Variants in MAP3K13 observed in about 807,000 individuals in gnomAD.
The protein encoded by MAP3K13 is mitogen-activated protein kinase kinase kinase 13, also known as leucine zipper-bearing kinase.
In MAP3K13, 52 loss-of-function variants were observed where a neutral mutation model predicts 104.0. The observed-to-expected ratio is 0.50, with a 90% CI of 0.40 to 0.63. MAP3K13 has a LOEUF of 0.63. Among genes scored for constraint, MAP3K13 ranks in the 20% least tolerant of loss-of-function variants. MAP3K13 has a pLI of 0.00. For missense variants in MAP3K13, 914 were observed against 1,218.5 expected (o/e 0.75, Z 3.72); for synonymous variants, 394 against 442.2 (o/e 0.89, Z 1.37).
At chr3:185,319,030 A>G (rs561634152) in intron 2 of MAP3K13, among the ~76,000 whole-genome samples, 44 of 152,304 alleles carry the variant, frequency 2.9e-4, no homozygotes, top group African/African-American at 1.0e-3. Flanking sequence ...ACATTTCTAT[A>G]TATCCCTAAA....
At chr3:185,356,347 A>G (rs1216581521) in intron 2 of MAP3K13, among the ~76,000 whole-genome samples, 1 of 152,240 alleles carries the variant, frequency 6.6e-6, no homozygotes, top group Non-Finnish European at 1.5e-5. Flanking sequence ...TTTGGCTGCA[A>G]GTGACAGAAA....
At chr3:185,310,511 G>A (rs1397939029) in intron 2 of MAP3K13, among the ~76,000 whole-genome samples, 1 of 152,198 alleles carries the variant, frequency 6.6e-6, no homozygotes, top group Non-Finnish European at 1.5e-5. Flanking sequence ...TAGGCCTCAT[G>A]CATGAACAGT....
chr3:185,369,008 T>C (rs1264785926), intron 1 of MAP3K13, among the ~76,000 whole-genome samples: 1 of 151,492 alleles, frequency 6.6e-6, no homozygotes, highest in Non-Finnish European at 1.5e-5. Context: ...GGTGTTGTCA[T>C]CATTTTTCTA....
intron 7 of MAP3K13, among the ~76,000 whole-genome samples, chr3:185,457,938 C>T (rs1473888133): frequency 2.0e-5 from 3 of 152,182 alleles, no homozygotes; most frequent in African/African-American, 7.2e-5. Context: ...CACTCAGTTA[C>T]ACTAAACCTC....
intron 1 of MAP3K13, among the ~76,000 whole-genome samples, chr3:185,378,663 C>G (rs929789737): frequency 3.3e-5 from 5 of 152,042 alleles, no homozygotes; most frequent in African/African-American, 1.2e-4. Context: ...ATTCAAAGGA[C>G]TCAGAGCTTG....
intron 7 of MAP3K13, among the ~76,000 whole-genome samples, chr3:185,453,719 A>C (rs1716022891): frequency 6.7e-6 from 1 of 150,158 alleles, no homozygotes; most frequent in African/African-American, 2.5e-5. Context: ...CAGTGAGCTG[A>C]GATCACGCCA....
In MAP3K13 at chr3:185,437,468, A is replaced by C. The variant is rs1270534837; in HGVS notation, c.497A>C (p.Glu166Ala). 6.2e-7 allele frequency: 1 copy of C among 1,613,350 alleles called. No individual in the cohort carries two copies. The highest frequency in any genetic ancestry group is 1.1e-5 in the South Asian group (1 of 90,988). The change falls in exon 3 of 14, where the codon GAG (glutamate) becomes GCG (alanine). Residue 166 changes from glutamate (E) to alanine (A), a missense_variant. Physicochemically the swap from Glu to Ala is moderately radical, Grantham distance 107. Around this residue, in one of 3 missense-constraint regions of MAP3K13, gnomAD observed 175 missense variants for 321.3 expected, o/e 0.54. Coordinates refer to ENST00000265026, the MANE Select transcript of MAP3K13 (RefSeq NM_004721.5). ...QQQDTWEVPF[E>A]EISELQWLGS... Reference sequence around the variant, plus strand: ...CTAGATACTTGGGAAGTGCCATTTGAGGAGATCTCAGAGCTGCAGTGGCTG... The same window carrying C: ...CTAGATACTTGGGAAGTGCCATTTGCGGAGATCTCAGAGCTGCAGTGGCTG...
At chr3:185,285,777 A>G (rs573816768) in intron 2 of MAP3K13, 1 of 661,414 alleles carries the variant, frequency 1.5e-6, no homozygotes, top group South Asian at 2.6e-5. Context: ...TTCCAAAGAG[A>G]GGTTTGTTTT....
intron 2 of MAP3K13, among the ~76,000 whole-genome samples, chr3:185,347,131 T>G (rs928545106): frequency 6.6e-6 from 1 of 151,552 alleles, no homozygotes; most frequent in Non-Finnish European, 1.5e-5. Context: ...GGATTACAGG[T>G]GTGCACTACC....
At chr3:185,400,901 G>GTTT (rs1326586136) in intron 1 of MAP3K13, among the ~76,000 whole-genome samples, 6 of 58,140 alleles carry the variant, frequency 1.0e-4, no homozygotes, top group African/African-American at 4.3e-4. Context: ...CTGGGTGTTT[G>GTTT]TTTGTTTTTT....
chr3:185,306,132 A>G (rs1159782680), intron 2 of MAP3K13, among the ~76,000 whole-genome samples: 2 of 152,206 alleles, frequency 1.3e-5, no homozygotes, highest in Admixed American at 6.5e-5. Context: ...TTATGACTGC[A>G]TAGCATTTCA....
At position 185,471,451 on chromosome 3, in the gene MAP3K13, CTTTTTT is replaced by C. The variant is rs71164510; in HGVS notation, c.1644-1504_1644-1499del. Among the ~76,000 whole-genome samples the C allele has an allele frequency of 1.1e-4, 8 of 75,446 alleles. No homozygotes were observed. In the East Asian group the frequency reaches 2.8e-3, roughly 26 times the overall value. 49.5% of individuals were successfully genotyped at this position (75,446 alleles called of 152,430 possible). On this transcript the variant is annotated intron_variant, in intron 10 of 13. Coordinates refer to ENST00000265026, the MANE Select transcript of MAP3K13 (RefSeq NM_004721.5). ...TGAGCCTGTACCTGGACGACCTTTACTTTTTTTTTTTTTTTTTTTTTTTTTGAGATG... is the reference window on the plus strand; with the variant it reads ...TGAGCCTGTACCTGGACGACCTTTACTTTTTTTTTTTTTTTTTTTGAGATG...
intron 2 of MAP3K13, among the ~76,000 whole-genome samples, chr3:185,334,605 T>C (rs1407008433): frequency 9.9e-5 from 1 of 10,088 alleles, no homozygotes; most frequent in Non-Finnish European, 5.0e-4. Context: ...TGGATTTTCT[T>C]TTTTTTTTTT....
chr3:185,471,755 C>T (rs1339753109), intron 10 of MAP3K13, among the ~76,000 whole-genome samples: 4 of 152,114 alleles, frequency 2.6e-5, no homozygotes, highest in Non-Finnish European at 4.4e-5. Context: ...CCACCACGCC[C>T]GGCCGACCTT....
At chr3:185,390,957 A>G (rs1712016756) in intron 1 of MAP3K13, among the ~76,000 whole-genome samples, 1 of 152,098 alleles carries the variant, frequency 6.6e-6, no homozygotes. Flanking sequence ...CAACAGCACC[A>G]TCCTACACAT....
At chr3:185,289,933 A>G (rs551722368) in intron 2 of MAP3K13, among the ~76,000 whole-genome samples, 1 of 152,308 alleles carries the variant, frequency 6.6e-6, no homozygotes, top group East Asian at 1.9e-4. Flanking sequence ...CGCAAACTCT[A>G]GAGTAATACA....
intron 9 of MAP3K13, among the ~76,000 whole-genome samples, chr3:185,466,126 G>A (rs1717404750): frequency 6.6e-6 from 1 of 152,218 alleles, no homozygotes; most frequent in South Asian, 2.1e-4. Context: ...TTCAAGAAGA[G>A]CACGGGGTGA....
intron 2 of MAP3K13, among the ~76,000 whole-genome samples, chr3:185,432,328 T>C (rs534928882): frequency 3.3e-5 from 5 of 151,716 alleles, no homozygotes; most frequent in Non-Finnish European, 7.4e-5. Context: ...GTAGCTGGGA[T>C]TACAGGCGTG....
At chr3:185,353,951 T>G (rs1208324382) in intron 2 of MAP3K13, among the ~76,000 whole-genome samples, 1 of 150,518 alleles carries the variant, frequency 6.6e-6, no homozygotes, top group Non-Finnish European at 1.5e-5. Context: ...TAATTCAAGC[T>G]CTGGGTAAGA....
Sources: gnomAD v4.1 joint callset for allele counts (sites outside exome capture counted in the v4.1 genomes callset) on GRCh38, gnomAD v4.1.1 for gene constraint, gnomAD v4.1.1 regional missense constraint, MANE v1.5 for transcripts, NCBI Gene and HGNC (gene_info 2026-07-23, HGNC 2026-07-21) for gene names.